CDH13: variants seen among roughly 807,000 people sequenced by gnomAD.
The protein encoded by CDH13 is cadherin 13, also known as cadherin-13.
Under a neutral mutation model 63.8 loss-of-function variants are expected in CDH13, and 24 were observed. That is an observed-to-expected ratio of 0.38 (90% confidence interval 0.27 to 0.53). CDH13 has a LOEUF of 0.53. CDH13 is among the 20% of genes least tolerant of loss of function. The pLI is 0.85. For synonymous variants in CDH13, 503 were observed against 355.3 expected, an observed-to-expected ratio of 1.42 and a Z score of -4.67; for missense variants, 1,049 against 903.1, an observed-to-expected ratio of 1.16 and a Z score of -2.07.
rs561080704 is a variant in CDH13, at chr16:83,393,800, G to A, written c.781+48794G>A. Among the ~76,000 whole-genome samples, 7 of 152,190 alleles carry A rather than the reference G, an allele frequency of 4.6e-5. No individual in the cohort carries two copies. In the East Asian group the frequency reaches 1.4e-3, roughly 29 times the overall value. On this transcript the variant is annotated intron_variant, in intron 6 of 13. Coordinates refer to ENST00000567109, the MANE Select transcript of CDH13 (RefSeq NM_001257.5). ...AGCAATGCCAGGCTTCTGGCCTCAGGGAGTACATGTTCACCCCCTAGTGGA... is the reference window on the plus strand; with the variant it reads ...AGCAATGCCAGGCTTCTGGCCTCAGAGAGTACATGTTCACCCCCTAGTGGA...
chr16:82,899,676 CT>C (rs2041393999), intron 2 of CDH13, among the ~76,000 whole-genome samples: 1 of 152,080 alleles, frequency 6.6e-6, no homozygotes. Context: ...CATTTTTGCA[CT>C]GGTTTATAGT....
intron 6 of CDH13, among the ~76,000 whole-genome samples, chr16:83,417,036 G>C (rs1307921168): frequency 6.6e-6 from 1 of 152,156 alleles, no homozygotes; most frequent in Non-Finnish European, 1.5e-5. Flanking sequence ...TATTGTCCAA[G>C]TGCTTTACAG....
At chr16:83,050,086 A>G (rs952977728) in intron 3 of CDH13, among the ~76,000 whole-genome samples, 1 of 152,194 alleles carries the variant, frequency 6.6e-6, no homozygotes, top group Admixed American at 6.5e-5. Flanking sequence ...TTTCATTAAG[A>G]TACTCAGGAT....
At chr16:82,641,875 A>G (rs938678311) in intron 1 of CDH13, among the ~76,000 whole-genome samples, 3 of 152,116 alleles carry the variant, frequency 2.0e-5, no homozygotes, top group African/African-American at 7.2e-5. Flanking sequence ...TAGGTATGTG[A>G]TGTCTGCAGG....
intron 3 of CDH13, among the ~76,000 whole-genome samples, chr16:83,037,266 C>A (rs1160620831): frequency 6.6e-6 from 1 of 152,188 alleles, no homozygotes; most frequent in Admixed American, 6.5e-5. Flanking sequence ...ACCGAGATTA[C>A]CCCTTCCTGC....
chr16:82,807,088 CT>C (rs11327303), intron 1 of CDH13, among the ~76,000 whole-genome samples: 36,606 of 139,058 alleles, frequency 0.26, 3,891 homozygotes, highest in South Asian at 0.38. Flanking sequence ...GGGATCATGC[CT>C]TTTTTTTTTT....
intron 1 of CDH13, among the ~76,000 whole-genome samples, chr16:82,839,381 G>A (rs1444363571): frequency 2.0e-5 from 3 of 152,104 alleles, no homozygotes; most frequent in East Asian, 1.9e-4. Flanking sequence ...TGGTTCCTGC[G>A]TCCATCTCTT....
chr16:82,984,517 A>G (rs1234857130), intron 2 of CDH13, among the ~76,000 whole-genome samples: 3 of 152,166 alleles, frequency 2.0e-5, no homozygotes, highest in African/African-American at 7.2e-5. Flanking sequence ...TTTTTCCTAA[A>G]TTTACTGAAA....
At chr16:83,581,969 A>G (rs918884777) in intron 7 of CDH13, among the ~76,000 whole-genome samples, 10 of 152,224 alleles carry the variant, frequency 6.6e-5, no homozygotes, top group South Asian at 2.1e-4. Context: ...GGATGAGGGC[A>G]TCTTTGTGAC....
In CDH13 at chr16:82,819,207, A is replaced by G. The variant is rs911216901; in HGVS notation, c.46-39155A>G. On this transcript the variant is annotated intron_variant, in intron 1 of 13. Coordinates refer to ENST00000567109, the MANE Select transcript of CDH13 (RefSeq NM_001257.5). Reference sequence around the variant, plus strand: ...CTAGGTGAGTAATCCTGTAGTTACAAAAACAATCAATTAATTGATCTAAAT... The same window carrying G: ...CTAGGTGAGTAATCCTGTAGTTACAGAAACAATCAATTAATTGATCTAAAT... Among the ~76,000 whole-genome samples, 14 of 152,340 alleles carry G rather than the reference A, an allele frequency of 9.2e-5. 1 individual carries two copies. Among genetic ancestry groups the G allele is most frequent in the South Asian group, 4.1e-4 (2 of 4,826 alleles).
intron 1 of CDH13, among the ~76,000 whole-genome samples, chr16:82,702,355 G>A (rs1230741093): frequency 1.3e-5 from 2 of 152,108 alleles, no homozygotes; most frequent in Non-Finnish European, 2.9e-5. Context: ...CTAATCATAG[G>A]ATAGGTTTCA....
chr16:83,468,533 G>A (rs145718354), intron 6 of CDH13, among the ~76,000 whole-genome samples: 1 of 152,232 alleles, frequency 6.6e-6, no homozygotes, highest in Non-Finnish European at 1.5e-5. Context: ...AATAGATTTA[G>A]TGAGTGAAGG....
chr16:83,045,386 C>T (rs138500411), intron 3 of CDH13, among the ~76,000 whole-genome samples: 220 of 152,140 alleles, frequency 1.4e-3, no homozygotes, highest in Non-Finnish European at 2.5e-3. Flanking sequence ...AACCTGTAAT[C>T]CTAGCACTTT....
At chr16:83,071,560 G>T (rs1188583628) in intron 3 of CDH13, among the ~76,000 whole-genome samples, 1 of 152,164 alleles carries the variant, frequency 6.6e-6, no homozygotes, top group Admixed American at 6.5e-5. Context: ...GTGAGGAAGG[G>T]AGGCTTGTTC....
chr16:83,365,346 A>C (rs2091238644), intron 6 of CDH13, among the ~76,000 whole-genome samples: 2 of 152,226 alleles, frequency 1.3e-5, no homozygotes. Flanking sequence ...TGAGTAGATG[A>C]GGCCCACCAC....
intron 1 of CDH13, among the ~76,000 whole-genome samples, chr16:82,781,149 G>A (rs1014343564): frequency 1.3e-5 from 2 of 152,190 alleles, no homozygotes; most frequent in Admixed American, 1.3e-4. Flanking sequence ...AATAAAAGTG[G>A]CAGTTTTAAT....
chr16:83,227,160 A>G (rs2039865303), intron 5 of CDH13, among the ~76,000 whole-genome samples: 1 of 152,182 alleles, frequency 6.6e-6, no homozygotes, highest in Non-Finnish European at 1.5e-5. Context: ...ATCACAAACG[A>G]TTGGGTCAGA....
chr16:83,600,303 C>T (rs1567796366), intron 7 of CDH13, among the ~76,000 whole-genome samples: 1 of 152,136 alleles, frequency 6.6e-6, no homozygotes, highest in Admixed American at 6.5e-5. Flanking sequence ...AAACATGAGG[C>T]GTAGAGCCAT....
At chr16:83,504,169 C>T (rs2074346156) in intron 7 of CDH13, among the ~76,000 whole-genome samples, 1 of 152,040 alleles carries the variant, frequency 6.6e-6, no homozygotes, top group African/African-American at 2.4e-5. Flanking sequence ...TGGACATAGC[C>T]CATGCCAAGG....
Sources: gnomAD v4.1 joint callset for allele counts (sites outside exome capture counted in the v4.1 genomes callset) on GRCh38, gnomAD v4.1.1 for gene constraint, MANE v1.5 for transcripts, NCBI Gene and HGNC (gene_info 2026-07-23, HGNC 2026-07-21) for gene names.